Variants in TET2 observed in about 807,000 individuals in gnomAD.
The protein encoded by TET2 is tet methylcytosine dioxygenase 2.
In TET2, 299 loss-of-function variants were observed where a neutral mutation model predicts 142.9. That is an observed-to-expected ratio of 2.09 (90% CI 1.90 to 2.30). The LOEUF is 2.30. Ranked by LOEUF, TET2 falls within the 30% of genes most tolerant of loss-of-function variation. TET2 has a pLI of 0.00. For missense variants in TET2, 2,418 were observed against 2,378.0 expected (o/e 1.02, Z -0.35); for synonymous variants, 819 against 849.0 (o/e 0.96, Z 0.61).
intron 1 of TET2, among the ~76,000 whole-genome samples, chr4:105,153,673 C>G (rs542523571): frequency 6.6e-6 from 1 of 152,198 alleles, no homozygotes; most frequent in East Asian, 1.9e-4. Flanking sequence ...ACAGCCTATA[C>G]ATGGCTTAGG....
At chr4:105,161,906 T>C (rs1400426204) in intron 1 of TET2, among the ~76,000 whole-genome samples, 1 of 152,246 alleles carries the variant, frequency 6.6e-6, no homozygotes, top group African/African-American at 2.4e-5. Context: ...TCGTCTTTTT[T>C]CAGTTACTAC....
At chr4:105,229,169 A>G (rs543799895) in intron 2 of TET2, among the ~76,000 whole-genome samples, 1 of 152,312 alleles carries the variant, frequency 6.6e-6, no homozygotes, top group South Asian at 2.1e-4. Flanking sequence ...CTCAATTTGG[A>G]CTAGACACAT....
chr4:105,267,900 A>ATAATAT (rs1730767899), intron 8 of TET2, among the ~76,000 whole-genome samples: 1 of 152,108 alleles, frequency 6.6e-6, no homozygotes, highest in African/African-American at 2.4e-5. Context: ...AAACCATTTG[A>ATAATAT]TAATATTCAA....
chr4:105,221,329 G>A (rs1370323642), intron 2 of TET2, among the ~76,000 whole-genome samples: 1 of 152,108 alleles, frequency 6.6e-6, no homozygotes, highest in Admixed American at 6.6e-5. Flanking sequence ...CAAACTGAAA[G>A]CAGATTTATA....
chr4:105,223,470 T>C (rs1727980655), intron 2 of TET2, among the ~76,000 whole-genome samples: 2 of 152,092 alleles, frequency 1.3e-5, no homozygotes, highest in South Asian at 2.1e-4. Flanking sequence ...TTGGCAACCA[T>C]ACCAATATTA....
At position 105,237,179 on chromosome 4, in the gene TET2, A is replaced by G; in HGVS notation, c.3237A>G (p.Pro1079=). Residue 1079 remains proline (P), a synonymous_variant, in exon 3 of 11, where the codon CCA becomes CCG. Transcript: ENST00000380013. ...TTAAELDSHT[P]ALEQQTTSSE... ...CTGCAGAACTTGATAGCCACACCCC[A>G]GCTTTAGAGCAGCAAACAACTTCTT... 1.9e-6 allele frequency: 3 copies of G among 1,614,170 alleles called. No individual in the cohort carries two copies. Among genetic ancestry groups the G allele is most frequent in the Non-Finnish European group, 2.5e-6 (3 of 1,180,032 alleles).
chr4:105,241,861 C>CTAAG, intron 4 of TET2: 1 of 1,246,232 alleles, frequency 8.0e-7, no homozygotes, highest in Non-Finnish European at 1.0e-6. Flanking sequence ...GTACTTATCT[C>CTAAG]TAAGTTTTCT....
At chr4:105,153,200 T>C (rs1723397330) in intron 1 of TET2, among the ~76,000 whole-genome samples, 1 of 152,218 alleles carries the variant, frequency 6.6e-6, no homozygotes, top group Non-Finnish European at 1.5e-5. Context: ...TTTGCAAAAC[T>C]ATAATATCAT....
intron 1 of TET2, among the ~76,000 whole-genome samples, chr4:105,158,207 A>T (rs1369308768): frequency 6.6e-6 from 1 of 152,196 alleles, no homozygotes; most frequent in Non-Finnish European, 1.5e-5. Flanking sequence ...GAATATTTTT[A>T]AAAATACAAT....
At chr4:105,244,584 A>ATTTTTTT (rs1237638072) in intron 6 of TET2, among the ~76,000 whole-genome samples, 4 of 116,750 alleles carry the variant, frequency 3.4e-5, no homozygotes, top group African/African-American at 1.1e-4. Context: ...CTACACAGAA[A>ATTTTTTT]TGTTTTTTTT....
In TET2 at chr4:105,254,676, G is replaced by C. The variant is rs924399760; in HGVS notation, c.3804-4943G>C. ...ATCTGCCTGCCTCAGCCTCCAAAGA[G>C]TGATGGGATTGCAGGCATGAGCCAT... On this transcript the variant is annotated intron_variant, in intron 6 of 10. Transcript: ENST00000380013. 3.3e-5 allele frequency among the ~76,000 whole-genome samples: 5 copies of C among 152,286 alleles called. No individual in the cohort carries two copies. In the East Asian group the frequency reaches 7.7e-4, roughly 24 times the overall value.
At chr4:105,179,988 G>C (rs950137939) in intron 1 of TET2, among the ~76,000 whole-genome samples, 2 of 152,122 alleles carry the variant, frequency 1.3e-5, no homozygotes. Flanking sequence ...GCCTACTAAG[G>C]GTTGTTCATT....
At chr4:105,156,799 C>T (rs1723588892) in intron 1 of TET2, among the ~76,000 whole-genome samples, 1 of 152,186 alleles carries the variant, frequency 6.6e-6, no homozygotes, top group Non-Finnish European at 1.5e-5. Flanking sequence ...TGAAGTAGAG[C>T]ACCAGAATGT....
chr4:105,218,861 A>G (rs921272983), intron 2 of TET2, among the ~76,000 whole-genome samples: 1 of 151,908 alleles, frequency 6.6e-6, no homozygotes, highest in African/African-American at 2.4e-5. Flanking sequence ...TATAATGTCT[A>G]TATTATATAT....
Position 105,279,005 on chromosome 4 carries a change from C to T in TET2, c.*2486C>T. 1 of 232,812 alleles carries T rather than the reference C, an allele frequency of 4.3e-6. No homozygotes were observed. The highest frequency in any genetic ancestry group is 6.1e-5 in the East Asian group (1 of 16,506). The allele number at this position is 232,812 out of a possible 1,614,324, so 14.4% of individuals were successfully genotyped here. On this transcript the variant is annotated 3_prime_UTR_variant, in exon 11 of 11. Transcript: ENST00000380013. Reference sequence around the variant, plus strand: ...AAAATAAATTCTTAATCAGAGGAGGCCTTTGGGTTTTATTGGTCAAATCTT... The same window carrying T: ...AAAATAAATTCTTAATCAGAGGAGGTCTTTGGGTTTTATTGGTCAAATCTT...
chr4:105,164,007 C>A (rs1057232835), intron 1 of TET2, among the ~76,000 whole-genome samples: 13 of 152,080 alleles, frequency 8.5e-5, no homozygotes, highest in African/African-American at 3.1e-4. Flanking sequence ...CAGGCTAATT[C>A]ACATGTCCAT....
rs994811043 is a variant in TET2, at chr4:105,276,426, C to T, written c.5916C>T (p.Ala1972=). 7.1e-6 allele frequency: 11 copies of T among 1,551,698 alleles called. No homozygotes were observed. The highest frequency in any genetic ancestry group is 5.5e-5 in the African/African-American group (4 of 72,998). ...PTYLRFIKSL[A]ERTMSVTTDS... Reference sequence around the variant, plus strand: ...ACCTGCGTTTCATCAAGTCTCTTGCCGAAAGGACCATGTCCGTGACCACAG... The same window carrying T: ...ACCTGCGTTTCATCAAGTCTCTTGCTGAAAGGACCATGTCCGTGACCACAG... Residue 1972 remains alanine (A), a synonymous_variant, in exon 11 of 11, where the codon GCC becomes GCT. Transcript: ENST00000380013.
chr4:105,168,364 G>C (rs1410939940), intron 1 of TET2, among the ~76,000 whole-genome samples: 2 of 151,970 alleles, frequency 1.3e-5, no homozygotes, highest in East Asian at 3.9e-4. Context: ...TTTTCTTGCT[G>C]TCCTGGCAAC....
At chr4:105,208,569 G>A (rs530906499) in intron 2 of TET2, among the ~76,000 whole-genome samples, 152 of 152,138 alleles carry the variant, frequency 1.0e-3, no homozygotes, top group Non-Finnish European at 1.1e-3. Context: ...TTAATTAGGC[G>A]TCTTTGCCAT....
Sources: allele counts gnomAD v4.1 joint callset (sites outside exome capture counted in the v4.1 genomes callset), GRCh38; gene constraint gnomAD v4.1.1; transcripts MANE v1.5; gene names NCBI Gene and HGNC (gene_info 2026-07-23, HGNC 2026-07-21).